Variants in SV2C observed in about 807,000 individuals in gnomAD.
SV2C encodes synaptic vesicle glycoprotein 2C.
A neutral mutation model predicts 79.7 loss-of-function variants in SV2C; 49 were observed. The observed-to-expected ratio is 0.61, with a 90% CI of 0.49 to 0.78. The LOEUF is 0.78. Among genes scored for constraint, SV2C ranks in the 30% least tolerant of loss-of-function variants. The pLI is 0.00. For missense variants in SV2C, 833 were observed against 912.9 expected, an observed-to-expected ratio of 0.91 and a Z score of 1.13; for synonymous variants, 334 against 333.2, an observed-to-expected ratio of 1.00 and a Z score of -0.03.
the SV2C span, among the ~76,000 whole-genome samples, chr5:75,893,755 AATT>A: frequency 6.6e-6 from 1 of 152,172 alleles, no homozygotes; most frequent in East Asian, 1.9e-4. Flanking sequence ...TAGAAGTTGA[AATT>A]ATAGAAAAAA....
chr5:75,947,590 G>A, the SV2C span, among the ~76,000 whole-genome samples: 6 of 152,002 alleles, frequency 3.9e-5, no homozygotes, highest in East Asian at 7.8e-4. Flanking sequence ...GCTCCACTAC[G>A]CAGAGTGAAA....
chr5:76,022,151 C>A, the SV2C span, among the ~76,000 whole-genome samples: 1 of 152,206 alleles, frequency 6.6e-6, no homozygotes, highest in Non-Finnish European at 1.5e-5. Context: ...TGCCTCACAG[C>A]GGCATTAACT....
At chr5:75,940,816 T>G in the SV2C span, among the ~76,000 whole-genome samples, 1 of 152,176 alleles carries the variant, frequency 6.6e-6, no homozygotes, top group Admixed American at 6.6e-5. Context: ...TTTGGTTACT[T>G]TATAAATGAA....
the SV2C span, among the ~76,000 whole-genome samples, chr5:75,995,410 G>A: frequency 1.3e-5 from 2 of 151,984 alleles, no homozygotes; most frequent in East Asian, 3.9e-4. Context: ...GTTTTAAAGA[G>A]TATATTATAT....
At chr5:76,351,806 G>A (rs1749647275) in intron 12 of SV2C, among the ~76,000 whole-genome samples, 1 of 152,136 alleles carries the variant, frequency 6.6e-6, no homozygotes, top group Non-Finnish European at 1.5e-5. Flanking sequence ...TGTGGACCCG[G>A]TATACAAATT....
the SV2C span, among the ~76,000 whole-genome samples, chr5:75,878,861 AG>A: frequency 4.3e-5 from 5 of 117,054 alleles, no homozygotes; most frequent in African/African-American, 1.2e-4. Flanking sequence ...ATTAAAAAAA[AG>A]GTTTATTTGG....
chr5:76,092,362 T>C (rs960314127), intron 1 of SV2C, among the ~76,000 whole-genome samples: 9 of 152,216 alleles, frequency 5.9e-5, no homozygotes, highest in African/African-American at 2.2e-4. Flanking sequence ...GCTAAAAAAG[T>C]GGTGCCAGTT....
At chr5:76,081,444 T>C (rs1048454141), upstream of SV2C, among the ~76,000 whole-genome samples, 1 of 152,196 alleles carries the variant, frequency 6.6e-6, no homozygotes, top group Non-Finnish European at 1.5e-5. Context: ...CAATTGTATT[T>C]CCAATGCTGG....
At chr5:76,034,210 T>G in the SV2C span, among the ~76,000 whole-genome samples, 1 of 151,906 alleles carries the variant, frequency 6.6e-6, no homozygotes, top group East Asian at 1.9e-4. Flanking sequence ...ACAATTTGAC[T>G]TCCTCTTTTC....
the SV2C span, among the ~76,000 whole-genome samples, chr5:75,863,070 C>A: frequency 6.6e-6 from 1 of 152,222 alleles, no homozygotes; most frequent in East Asian, 1.9e-4. Flanking sequence ...ATGTTTACAG[C>A]CAGAAAGAGT....
the SV2C span, among the ~76,000 whole-genome samples, chr5:76,062,431 C>A: frequency 6.6e-6 from 1 of 152,096 alleles, no homozygotes; most frequent in Non-Finnish European, 1.5e-5. Context: ...ATCTTGGAAG[C>A]AGAGACCAAA....
intron 4 of SV2C, among the ~76,000 whole-genome samples, chr5:76,230,610 G>T (rs574558028): frequency 2.1e-5 from 3 of 145,120 alleles, no homozygotes; most frequent in African/African-American, 8.7e-5. Context: ...GGCCAACATG[G>T]TGAAACCATC....
intron 1 of SV2C, among the ~76,000 whole-genome samples, chr5:76,120,140 A>C (rs1325833623): frequency 3.3e-5 from 5 of 152,212 alleles, no homozygotes; most frequent in Non-Finnish European, 1.5e-5. Context: ...TACAATTATA[A>C]TGTGTCAAAA....
the SV2C span, among the ~76,000 whole-genome samples, chr5:75,923,115 A>G: frequency 3.3e-5 from 5 of 152,306 alleles, no homozygotes; most frequent in East Asian, 9.6e-4. Flanking sequence ...ATAAAGACAA[A>G]TACTTGCAGC....
chr5:76,344,543 T>C (rs1400266421), intron 12 of SV2C, among the ~76,000 whole-genome samples: 5 of 152,172 alleles, frequency 3.3e-5, no homozygotes, highest in African/African-American at 1.2e-4. Flanking sequence ...ATCCCATCTC[T>C]ACTAAAAGTA....
At chr5:76,144,272 CAGTGAA>C (rs1749350947) in intron 2 of SV2C, among the ~76,000 whole-genome samples, 1 of 115,686 alleles carries the variant, frequency 8.6e-6, no homozygotes, top group Non-Finnish European at 2.3e-5. Context: ...AGCCTGGAAA[CAGTGAA>C]GCTGACAGCT....
At chr5:76,030,289 T>TTTTTTTTTATTTATTTATTTA in the SV2C span, among the ~76,000 whole-genome samples, 16 of 117,908 alleles carry the variant, frequency 1.4e-4, no homozygotes, top group African/African-American at 5.8e-4. Flanking sequence ...TTTTTTTTTT[T>TTTTTTTTTATTTATTTATTTA]TTTATTTATT....
chr5:75,948,393 C>T, the SV2C span, among the ~76,000 whole-genome samples: 1 of 152,058 alleles, frequency 6.6e-6, no homozygotes, highest in South Asian at 2.1e-4. Context: ...CCTATGCTAG[C>T]CACCATTAAG....
At chr5:76,066,285 T>C in the SV2C span, among the ~76,000 whole-genome samples, 3 of 151,964 alleles carry the variant, frequency 2.0e-5, no homozygotes, top group East Asian at 5.8e-4. Flanking sequence ...AGGATGAGCT[T>C]ATGTCCTTTG....
Sources: gnomAD v4.1 joint callset for allele counts (sites outside exome capture counted in the v4.1 genomes callset) on GRCh38, gnomAD v4.1.1 for gene constraint, MANE v1.5 for transcripts, NCBI Gene and HGNC (gene_info 2026-07-23, HGNC 2026-07-21) for gene names.